Variants in NAV3 observed in about 807,000 individuals in gnomAD.
NAV3 encodes the protein pore membrane and/or filament interacting like protein 1.
NAV3 carries 87 observed loss-of-function variants against 244.7 expected under a neutral mutation model. That is an observed-to-expected ratio of 0.36 (90% CI 0.30 to 0.42). The LOEUF is 0.42. Ranked by LOEUF, NAV3 falls within the 20% of genes least tolerant of loss-of-function variation. The probability of loss-of-function intolerance (pLI) is 1.00; values close to 1 mark genes in which losing one functional copy is unlikely to be tolerated. For synonymous variants in NAV3, 1,126 were observed against 1,042.2 expected (o/e 1.08, Z -1.55); for missense variants, 2,663 against 2,893.3 (o/e 0.92, Z 1.83).
At chr12:77,695,861 G>T (rs1875272332) in intron 2 of NAV3, among the ~76,000 whole-genome samples, 1 of 152,048 alleles carries the variant, frequency 6.6e-6, no homozygotes, top group South Asian at 2.1e-4. Context: ...AGAAAGGTGA[G>T]AATTTTGTGA....
intron 2 of NAV3, among the ~76,000 whole-genome samples, chr12:77,619,961 A>C (rs1370688046): frequency 1.3e-5 from 2 of 152,222 alleles, no homozygotes; most frequent in African/African-American, 2.4e-5. Flanking sequence ...GAGATATTAA[A>C]GGATATGAAA....
chr12:77,980,878 A>ACACAGCAAGAGACTT (rs1869438028), intron 5 of NAV3, among the ~76,000 whole-genome samples: 1 of 152,154 alleles, frequency 6.6e-6, no homozygotes, highest in Admixed American at 6.6e-5. Flanking sequence ...AGAGACTTTG[A>ACACAGCAAGAGACTT]TGCTGTAATA....
chr12:77,852,733 A>G (rs960203216), intron 1 of NAV3, among the ~76,000 whole-genome samples: 3 of 152,180 alleles, frequency 2.0e-5, no homozygotes, highest in Non-Finnish European at 2.9e-5. Context: ...GAAAATGAAC[A>G]CATTTTTCCA....
At chr12:78,021,282 CATA>C (rs1315770456) in intron 8 of NAV3, among the ~76,000 whole-genome samples, 1 of 151,998 alleles carries the variant, frequency 6.6e-6, no homozygotes, top group Non-Finnish European at 1.5e-5. Context: ...ATTAAGTCAT[CATA>C]ATGATGTATA....
chr12:77,872,403 A>G (rs1304567249), intron 1 of NAV3, among the ~76,000 whole-genome samples: 1 of 152,212 alleles, frequency 6.6e-6, no homozygotes, highest in African/African-American at 2.4e-5. Context: ...CTGAAAAACA[A>G]AAGCATTCAG....
chr12:78,010,298 A>G (rs1288648997), intron 8 of NAV3, among the ~76,000 whole-genome samples: 2 of 152,158 alleles, frequency 1.3e-5, no homozygotes, highest in Admixed American at 6.5e-5. Context: ...ATCCCCATGT[A>G]AGAATCCCTC....
At chr12:77,578,288 C>T (rs1869188208) in intron 2 of NAV3, among the ~76,000 whole-genome samples, 1 of 152,134 alleles carries the variant, frequency 6.6e-6, no homozygotes, top group Admixed American at 6.5e-5. Flanking sequence ...TTTAAGATCC[C>T]CCGGTGACTC....
chr12:78,146,507 C>A, intron 21 of NAV3, 115 bp downstream of exon 21: 1 of 338,176 alleles, frequency 3.0e-6, no homozygotes, highest in Non-Finnish European at 5.4e-6. Flanking sequence ...CTCCACAGGA[C>A]TGCTGAAGTA....
intron 1 of NAV3, among the ~76,000 whole-genome samples, chr12:77,899,929 C>G (rs1885068681): frequency 6.6e-6 from 1 of 152,128 alleles, no homozygotes; most frequent in African/African-American, 2.4e-5. Context: ...ACGCTTGTTA[C>G]ATGGGTATAT....
intron 2 of NAV3, among the ~76,000 whole-genome samples, chr12:77,678,191 C>T (rs1425614696): frequency 1.3e-5 from 2 of 151,998 alleles, no homozygotes; most frequent in Non-Finnish European, 2.9e-5. Context: ...GGAAGTGGTA[C>T]ATTAGGAGGA....
chr12:78,162,198 G>A (rs1957572233), intron 23 of NAV3, among the ~76,000 whole-genome samples: 1 of 152,120 alleles, frequency 6.6e-6, no homozygotes, highest in Non-Finnish European at 1.5e-5. Flanking sequence ...CATTTCTTCA[G>A]GGAGCTGAGA....
At chr12:77,943,706 A>G (rs1890080856) in intron 3 of NAV3, among the ~76,000 whole-genome samples, 2 of 152,210 alleles carry the variant, frequency 1.3e-5, no homozygotes, top group African/African-American at 4.8e-5. Context: ...TACATTAGTA[A>G]GAGTGAGTGG....
chr12:77,766,548 G>A (rs1869761722), intron 2 of NAV3, among the ~76,000 whole-genome samples: 1 of 152,114 alleles, frequency 6.6e-6, no homozygotes, highest in African/African-American at 2.4e-5. Flanking sequence ...GATAATTTTA[G>A]CATTTAAAAT....
At chr12:78,153,853 A>G (rs1409703105) in intron 22 of NAV3, among the ~76,000 whole-genome samples, 1 of 151,884 alleles carries the variant, frequency 6.6e-6, no homozygotes, top group African/African-American at 2.4e-5. Flanking sequence ...CTTCTAAGAG[A>G]AAACAATTGG....
At chr12:77,653,793 CATATA>C (rs779183939) in intron 2 of NAV3, among the ~76,000 whole-genome samples, 17 of 152,070 alleles carry the variant, frequency 1.1e-4, no homozygotes, top group Admixed American at 1.3e-4. Context: ...CATATAAACA[CATATA>C]ATATACACAA....
chr12:77,917,844 C>T (rs1887308835), intron 1 of NAV3, among the ~76,000 whole-genome samples: 1 of 151,950 alleles, frequency 6.6e-6, no homozygotes, highest in South Asian at 2.1e-4. Context: ...ATTTAAAATA[C>T]CTAGAAAGGT....
At chr12:78,006,376 G>A (rs1360533555) in intron 7 of NAV3, 43 bp from the exon 8 acceptor site, 1 of 1,555,516 alleles carries the variant, frequency 6.4e-7, no homozygotes, top group East Asian at 2.3e-5. Flanking sequence ...AAATGATCAA[G>A]ATTAATCGCC....
chr12:77,998,276 T>C, intron 6 of NAV3, 61 bp from the exon 7 acceptor site: 1 of 1,293,962 alleles, frequency 7.7e-7, no homozygotes, highest in Non-Finnish European at 1.0e-6. Context: ...TTTCAGCACC[T>C]CCTGCTTCTT....
chr12:77,790,725 A>G (rs530619394), intron 2 of NAV3, among the ~76,000 whole-genome samples: 2 of 152,220 alleles, frequency 1.3e-5, no homozygotes, highest in South Asian at 4.1e-4. Flanking sequence ...ACCTAAACCT[A>G]TGGGATTCAT....
Sources: gnomAD v4.1 joint callset for allele counts (sites outside exome capture counted in the v4.1 genomes callset) on GRCh38, gnomAD v4.1.1 for gene constraint, MANE v1.5 for transcripts, NCBI Gene and HGNC (gene_info 2026-07-23, HGNC 2026-07-21) for gene names.